Variants in GRID2 observed in about 807,000 individuals in gnomAD.
The protein encoded by GRID2 is glutamate receptor ionotropic, delta-2.
A neutral mutation model predicts 114.8 loss-of-function variants in GRID2; 33 were observed. That is an observed-to-expected ratio of 0.29 (90% CI 0.22 to 0.38). The LOEUF (loss-of-function observed/expected upper bound fraction) is 0.38. Among genes scored for constraint, GRID2 ranks in the 10% least tolerant of loss-of-function variants. GRID2 has a pLI of 1.00. For synonymous variants in GRID2, 505 were observed against 449.9 expected (o/e 1.12, Z -1.55); for missense variants, 1,184 against 1,257.7 (o/e 0.94, Z 0.89).
chr4:92,310,002 A>T (rs564322310), intron 1 of GRID2, among the ~76,000 whole-genome samples: 1 of 151,018 alleles, frequency 6.6e-6, no homozygotes, highest in African/African-American at 2.4e-5. Flanking sequence ...AGTTGTGGGG[A>T]AAAAAAAACA....
intron 2 of GRID2, among the ~76,000 whole-genome samples, chr4:92,680,809 T>C (rs896112365): frequency 2.6e-5 from 4 of 152,024 alleles, no homozygotes; most frequent in Non-Finnish European, 5.9e-5. Context: ...ACAAAGAGAA[T>C]CACAAAAGAA....
intron 2 of GRID2, among the ~76,000 whole-genome samples, chr4:92,940,341 G>A (rs1038305666): frequency 4.8e-5 from 7 of 146,972 alleles, no homozygotes; most frequent in African/African-American, 1.7e-4. Context: ...GTGAATGGGA[G>A]TTCACTCATA....
intron 10 of GRID2, among the ~76,000 whole-genome samples, chr4:93,439,628 T>C (rs1721436700): frequency 6.6e-6 from 1 of 152,142 alleles, no homozygotes. Flanking sequence ...AATAGGAAGA[T>C]CATGCACAGA....
At chr4:93,077,962 T>C (rs2149313761) in intron 2 of GRID2, among the ~76,000 whole-genome samples, 1 of 152,316 alleles carries the variant, frequency 6.6e-6, no homozygotes, top group South Asian at 2.1e-4. Flanking sequence ...TAAATAAATG[T>C]GGATAAATAG....
chr4:93,662,495 T>G (rs756598469), intron 14 of GRID2, among the ~76,000 whole-genome samples: 32 of 152,336 alleles, frequency 2.1e-4, no homozygotes, highest in Middle Eastern at 3.4e-3. Context: ...GTAAGCTCTA[T>G]CTTGATCTGC....
chr4:93,747,116 C>G (rs909856116), intron 14 of GRID2, among the ~76,000 whole-genome samples: 1 of 151,938 alleles, frequency 6.6e-6, no homozygotes, highest in African/African-American at 2.4e-5. Context: ...AGCCAAAGTC[C>G]TCTTATTCCA....
intron 1 of GRID2, among the ~76,000 whole-genome samples, chr4:93,803,488 C>G (rs917515466): frequency 6.6e-6 from 1 of 152,112 alleles, no homozygotes; most frequent in Admixed American, 6.5e-5. Flanking sequence ...CTTTGGGAGG[C>G]CAAGATGGGC....
Position 93,419,538 on chromosome 4 carries a change from C to T in GRID2, c.1348-3233C>T, listed in dbSNP as rs117183322. Among the ~76,000 whole-genome samples, 35 of 151,954 alleles carry T rather than the reference C, an allele frequency of 2.3e-4. No individual in the cohort carries two copies. The East Asian group carries it at 6.0e-3, about 26-fold the overall frequency. The stretch of plus-strand genomic sequence containing the variant: ...GAATTTATGAGTAATGGTCCAAATC[C>T]GTAATAGAGCTTAAAACTAAAGCTT... On this transcript the variant is annotated intron_variant, in intron 9 of 15. Coordinates refer to ENST00000282020, the MANE Select transcript of GRID2 (RefSeq NM_001510.4).
chr4:92,840,946 C>G lies in GRID2; in HGVS notation c.245-244049C>G, dbSNP rs139547544. Among the ~76,000 whole-genome samples, 47 of 152,100 alleles carry G rather than the reference C, an allele frequency of 3.1e-4. 1 individual carries two copies. The East Asian group carries it at 8.9e-3, about 29-fold the overall frequency. ...TCTGCTTGCTAAAAGGCCTCAGATT[C>G]TTTTCTTCTTAATAACTATTCCAAA... On this transcript the variant is annotated intron_variant, in intron 2 of 15. Transcript: ENST00000282020.
intron 2 of GRID2, among the ~76,000 whole-genome samples, chr4:92,788,654 A>G (rs985073363): frequency 4.0e-5 from 6 of 151,874 alleles, no homozygotes; most frequent in Admixed American, 2.6e-4. Flanking sequence ...ATATAAAATT[A>G]TGATCTTAAT....
chr4:92,655,539 T>C (rs1732182185), intron 2 of GRID2, among the ~76,000 whole-genome samples: 1 of 151,916 alleles, frequency 6.6e-6, no homozygotes, highest in African/African-American at 2.4e-5. Context: ...TATGTGTCCT[T>C]TTTAATTTCT....
At chr4:93,274,521 T>A (rs1005973122) in intron 8 of GRID2, among the ~76,000 whole-genome samples, 1 of 152,146 alleles carries the variant, frequency 6.6e-6, no homozygotes, top group African/African-American at 2.4e-5. Context: ...ATACTGCATG[T>A]GGGTAATTCA....
At chr4:93,744,036 G>T (rs566387007) in intron 14 of GRID2, among the ~76,000 whole-genome samples, 41 of 152,288 alleles carry the variant, frequency 2.7e-4, no homozygotes, top group African/African-American at 9.4e-4. Flanking sequence ...GAACGATAAA[G>T]CCTGGGTGAC....
intron 4 of GRID2, among the ~76,000 whole-genome samples, chr4:93,129,068 A>G (rs908738271): frequency 1.3e-5 from 2 of 152,188 alleles, no homozygotes; most frequent in African/African-American, 4.8e-5. Context: ...CATTAAATTT[A>G]TATTTTTAAA....
intron 14 of GRID2, among the ~76,000 whole-genome samples, chr4:93,735,052 G>A (rs1730805790): frequency 6.6e-6 from 1 of 151,982 alleles, no homozygotes; most frequent in African/African-American, 2.4e-5. Flanking sequence ...AAATGTTCTT[G>A]CCTGTCATCT....
chr4:93,599,496 T>C (rs1009812452), intron 13 of GRID2, among the ~76,000 whole-genome samples: 1 of 152,232 alleles, frequency 6.6e-6, no homozygotes, highest in Non-Finnish European at 1.5e-5. Context: ...TCTGTAATTT[T>C]CTCCTAAGTA....
At chr4:92,864,733 A>G (rs932969637) in intron 2 of GRID2, among the ~76,000 whole-genome samples, 1 of 152,172 alleles carries the variant, frequency 6.6e-6, no homozygotes, top group African/African-American at 2.4e-5. Context: ...TTGTCATGGG[A>G]AAAGATACAA....
At chr4:93,534,627 CA>C (rs1731840627) in intron 13 of GRID2, among the ~76,000 whole-genome samples, 1 of 151,886 alleles carries the variant, frequency 6.6e-6, no homozygotes, top group African/African-American at 2.4e-5. Context: ...ATTTGGCCCC[CA>C]AAATAACCCC....
intron 2 of GRID2, among the ~76,000 whole-genome samples, chr4:92,825,337 C>A (rs922258293): frequency 2.0e-5 from 3 of 152,150 alleles, no homozygotes; most frequent in Admixed American, 6.6e-5. Context: ...TCAGCCCCTA[C>A]TAAAACTCTT....
Sources: allele counts gnomAD v4.1 joint callset (sites outside exome capture counted in the v4.1 genomes callset), GRCh38; gene constraint gnomAD v4.1.1; transcripts MANE v1.5; gene names NCBI Gene and HGNC (gene_info 2026-07-23, HGNC 2026-07-21).